Variants in TYRO3 observed in about 807,000 individuals in gnomAD.
TYRO3 encodes TYRO3 protein tyrosine kinase, also known as tyrosine-protein kinase receptor TYRO3.
TYRO3 carries 38 observed loss-of-function variants against 95.2 expected under a neutral mutation model. The ratio of observed to expected loss-of-function variants is 0.40; its 90% CI spans 0.31 to 0.52. The LOEUF (loss-of-function observed/expected upper bound fraction) is 0.52. Ranked by LOEUF, TYRO3 falls within the 20% of genes least tolerant of loss-of-function variation. The probability of loss-of-function intolerance (pLI) is 0.56; values close to 1 mark genes in which losing one functional copy is unlikely to be tolerated. For synonymous variants in TYRO3, 367 were observed against 432.9 expected, an observed-to-expected ratio of 0.85 and a Z score of 1.89; for missense variants, 812 against 1,116.4, an observed-to-expected ratio of 0.73 and a Z score of 3.89.
In TYRO3 at chr15:41,582,951, G is replaced by A. The variant is rs373106226; in HGVS notation, c.*4675G>A. On this transcript the variant is annotated 3_prime_UTR_variant, in exon 19 of 19. Coordinates refer to ENST00000263798, the MANE Select transcript of TYRO3 (RefSeq NM_006293.4). ...TTCTCCCACCTCAGCGTCCTGAATAGCTGGGACCACAGGCACACGCCACTG... is the reference window on the plus strand; with the variant it reads ...TTCTCCCACCTCAGCGTCCTGAATAACTGGGACCACAGGCACACGCCACTG... 19 of 146,536 alleles carry A rather than the reference G, an allele frequency of 1.3e-4. No homozygotes were observed. The highest frequency in any genetic ancestry group is 4.8e-4 in the African/African-American group (19 of 39,724). 9.1% of individuals were successfully genotyped at this position (146,536 alleles called of 1,614,324 possible).
At chr15:41,572,914 C>T (rs1321521122) in intron 15 of TYRO3, 88 bp from the exon 16 acceptor site, 7 of 1,070,436 alleles carry the variant, frequency 6.5e-6, no homozygotes, top group African/African-American at 1.6e-5. Flanking sequence ...TGGGGACAGC[C>T]TTCAGGCTTT....
chr15:41,571,479 G>GT, intron 13 of TYRO3, 116 bp from the exon 14 acceptor site: 1 of 751,596 alleles, frequency 1.3e-6, no homozygotes, highest in South Asian at 1.6e-5. Context: ...TGGCTGGGCT[G>GT]TTTCCTGGGC....
intron 2 of TYRO3, 43 bp from the exon 3 acceptor site, chr15:41,561,496 C>T (rs1021591120): frequency 1.3e-5 from 18 of 1,351,810 alleles, no homozygotes; most frequent in Middle Eastern, 2.0e-4. Flanking sequence ...GCAGAGCTGC[C>T]GCCCTTGCCC....
chr15:41,565,432 A>T (rs1362122120), intron 6 of TYRO3, among the ~76,000 whole-genome samples: 1 of 150,678 alleles, frequency 6.6e-6, no homozygotes, highest in East Asian at 1.9e-4. Context: ...TTTTTTTGAG[A>T]CAGGGTCTCA....
intron 18 of TYRO3, among the ~76,000 whole-genome samples, chr15:41,575,690 T>G (rs759084401): frequency 6.6e-6 from 1 of 152,198 alleles, no homozygotes; most frequent in South Asian, 2.1e-4. Context: ...TTTGCATTCA[T>G]TGGACTTGGT....
chr15:41,578,785 A>G lies in TYRO3; in HGVS notation c.*509A>G. 1 of 167,692 alleles carries G rather than the reference A, an allele frequency of 6.0e-6. No homozygotes were observed. Among genetic ancestry groups the G allele is most frequent in the Non-Finnish European group, 1.3e-5 (1 of 78,298 alleles). The allele number at this position is 167,692 out of a possible 1,614,324, so 10.4% of individuals were successfully genotyped here. ...TATTCCCTTTTAGGTGAGGGTTGGT[A>G]AGGGGTTGGTATCTCAGGTCTGAAT... On this transcript the variant is annotated 3_prime_UTR_variant, in exon 19 of 19. Coordinates refer to ENST00000263798, the MANE Select transcript of TYRO3 (RefSeq NM_006293.4).
chr15:41,567,702 T>C (rs1034997965), intron 7 of TYRO3, among the ~76,000 whole-genome samples, 165 bp downstream of exon 7: 4 of 152,192 alleles, frequency 2.6e-5, no homozygotes, highest in African/African-American at 9.7e-5. Flanking sequence ...TTCTTGTAGG[T>C]GGAACAGATA....
intron 6 of TYRO3, among the ~76,000 whole-genome samples, chr15:41,565,795 C>T (rs528497085): frequency 6.6e-6 from 1 of 151,974 alleles, no homozygotes; most frequent in South Asian, 2.1e-4. Context: ...CTCCACCTTA[C>T]CCCCCAACCC....
chr15:41,570,162 G>A lies in TYRO3; in HGVS notation c.1382+6G>A, dbSNP rs779966100. 7 of 981,856 alleles carry A rather than the reference G, an allele frequency of 7.1e-6. No homozygotes were observed. In the African/African-American group the frequency reaches 1.1e-4, roughly 15 times the overall value. The allele number at this position is 981,856 out of a possible 1,614,324, so 60.8% of individuals were successfully genotyped here. A position where few individuals can be genotyped will look rare whatever the true frequency, so the allele number is the denominator to read the frequency against. The stretch of plus-strand genomic sequence containing the variant: ...CGGAAAGAGACGCGGTTTGGGTAAG[G>A]GGATGGGGATGTGGAGGGAGAGGCA... On this transcript the variant is annotated splice_donor_region_variant and intron_variant, in intron 10 of 18. Coordinates refer to ENST00000263798, the MANE Select transcript of TYRO3 (RefSeq NM_006293.4).
intron 14 of TYRO3, among the ~76,000 whole-genome samples, chr15:41,572,209 A>T (rs2055805423): frequency 6.6e-6 from 1 of 152,128 alleles, no homozygotes. Context: ...AAAAACAAAG[A>T]CTGCTTGTGT....
At chr15:41,562,172 C>T in intron 3 of TYRO3, 1 of 186,632 alleles carries the variant, frequency 5.4e-6, no homozygotes. Flanking sequence ...TCTGCCATGC[C>T]TAAGGGGGCA....
intron 6 of TYRO3, among the ~76,000 whole-genome samples, chr15:41,565,905 G>T (rs1215503740): frequency 6.6e-6 from 1 of 152,132 alleles, no homozygotes; most frequent in Admixed American, 6.6e-5. Context: ...GGCAATGCAG[G>T]CTTGCTCATT....
chr15:41,568,496 TC>T, intron 8 of TYRO3, 134 bp downstream of exon 8: 1 of 868,640 alleles, frequency 1.2e-6, no homozygotes, highest in Non-Finnish European at 1.8e-6. Flanking sequence ...CCTTTCCTCC[TC>T]ACCCTCCTCT....
Position 41,572,429 on chromosome 15 carries a change from C to G in TYRO3, c.1754-14C>G. 1.7e-6 allele frequency: 2 copies of G among 1,157,820 alleles called. No individual in the cohort carries two copies. Among genetic ancestry groups the G allele is most frequent in the South Asian group, 1.3e-5 (1 of 75,476 alleles). 71.7% of individuals were successfully genotyped at this position (1,157,820 alleles called of 1,614,324 possible). On this transcript the variant is annotated splice_polypyrimidine_tract_variant and intron_variant, in intron 14 of 18. Coordinates refer to ENST00000263798, the MANE Select transcript of TYRO3 (RefSeq NM_006293.4). ...ACCCTTCTATGCTCAGCTCCTGACTCTCCCTTGTCCCAGGGGTAAGCCTCC... is the reference window on the plus strand; with the variant it reads ...ACCCTTCTATGCTCAGCTCCTGACTGTCCCTTGTCCCAGGGGTAAGCCTCC...
intron 6 of TYRO3, among the ~76,000 whole-genome samples, chr15:41,566,959 C>T (rs2055731540): frequency 6.6e-6 from 1 of 152,144 alleles, no homozygotes; most frequent in Non-Finnish European, 1.5e-5. Context: ...CCAGTTTTCT[C>T]TGAGCTTCAG....
At chr15:41,572,079 C>G (rs1047084286) in intron 14 of TYRO3, among the ~76,000 whole-genome samples, 5 of 151,806 alleles carry the variant, frequency 3.3e-5, no homozygotes, top group African/African-American at 1.2e-4. Context: ...GCACCTTTGT[C>G]CAGCTACCCG....
rs2052126032 is a variant in TYRO3 at position 41,559,221 on chromosome 15, C to T, written c.-37C>T. The T allele has an allele frequency of 6.3e-6, 2 of 316,434 alleles. No homozygotes were observed. Among genetic ancestry groups the T allele is most frequent in the Non-Finnish European group, 1.1e-5 (2 of 180,440 alleles). The allele number at this position is 316,434 out of a possible 1,614,324, so 19.6% of individuals were successfully genotyped here. ...CTCCCCGCCCTCCTCCCTCCTCGCT[C>T]GCGGGCCGGGCCCGGCATGGTGCGG... On this transcript the variant is annotated 5_prime_UTR_variant, in exon 1 of 19. Transcript: ENST00000263798.
At chr15:41,574,820 A>G (rs541093736) in intron 18 of TYRO3, 36 of 446,062 alleles carry the variant, frequency 8.1e-5, no homozygotes, top group Middle Eastern at 1.4e-3. Flanking sequence ...CCTGGGCTCA[A>G]GTGATCCTCC....
intron 5 of TYRO3, 58 bp downstream of exon 5, chr15:41,564,328 G>C (rs2055693516): frequency 1.3e-6 from 2 of 1,533,076 alleles, no homozygotes; most frequent in Non-Finnish European, 9.0e-7. Context: ...CCAGCGAGCT[G>C]TCCAGCAGTT....
Sources: gnomAD v4.1 joint callset for allele counts (sites outside exome capture counted in the v4.1 genomes callset) on GRCh38, gnomAD v4.1.1 for gene constraint, MANE v1.5 for transcripts, NCBI Gene and HGNC (gene_info 2026-07-23, HGNC 2026-07-21) for gene names.